The following NIBAN2 variants were observed in gnomAD, a reference collection of about 807,000 sequenced individuals.
NIBAN2 encodes protein Niban 2.
A neutral mutation model predicts 81.8 loss-of-function variants in NIBAN2; 36 were observed. The ratio of observed to expected loss-of-function variants is 0.44; its 90% confidence interval spans 0.34 to 0.58. NIBAN2 has a LOEUF of 0.58. Among genes scored for constraint, NIBAN2 ranks in the 20% least tolerant of loss-of-function variants. The pLI is 0.02. For synonymous variants in NIBAN2, 445 were observed against 441.6 expected (o/e 1.01, Z -0.10); for missense variants, 897 against 1,014.1 (o/e 0.88, Z 1.57).
At position 127,508,677 on chromosome 9, in the gene NIBAN2, C is replaced by T; in HGVS notation, c.1318-139G>A. The T allele has an allele frequency of 1.3e-6, 1 of 789,328 alleles. No homozygotes were observed. The highest frequency in any genetic ancestry group is 1.5e-5 in the South Asian group (1 of 66,492). The allele number at this position is 789,328 out of a possible 1,614,324, so 48.9% of individuals were successfully genotyped here. ...AGGAATGGCAAGCGGTCTATGCCCA[C>T]TCACAGCTCTGCACGCTGGAGCAAG... is the stretch of plus-strand genomic sequence containing the variant. On this transcript the variant is annotated intron_variant, in intron 10 of 13. Coordinates refer to ENST00000373312, the MANE Select transcript of NIBAN2 (RefSeq NM_022833.4). This position sits in a 1 kb window ranked among gnomAD's most constrained non-coding sequence, Gnocchi z 6.4.
At chr9:127,554,548 C>CTTTCTTTTTTTTTTTT (rs1837632346) in intron 1 of NIBAN2, among the ~76,000 whole-genome samples, 7 of 103,704 alleles carry the variant, frequency 6.7e-5, no homozygotes, top group African/African-American at 1.1e-4. Context: ...TTTTCTTTTT[C>CTTTCTTTTTTTTTTTT]TTTTTTTTTT....
intron 1 of NIBAN2, among the ~76,000 whole-genome samples, chr9:127,533,698 C>T (rs1366738221): frequency 8.5e-5 from 13 of 152,288 alleles, no homozygotes; most frequent in East Asian, 1.9e-4. Flanking sequence ...GGCTTGGGTG[C>T]GTGGAGGAGG....
At position 127,523,796 on chromosome 9, in the gene NIBAN2, A is replaced by G. The variant is rs1444393736; in HGVS notation, c.472T>C (p.Phe158Leu). 6.2e-7 allele frequency: 1 copy of G among 1,614,038 alleles called. No individual in the cohort carries two copies. The highest frequency in any genetic ancestry group is 1.7e-5 in the Admixed American group (1 of 60,022). ...TAAGGATGCCAGAGGATGAGCGGGA[A>G]CTGTGTGGGGCACTTGAGGATGGGG... ...SAPILKCPTQ[F>L]PLILWHPYAR... is the part of the protein sequence containing the mutation. Residue 158 changes from phenylalanine to leucine, a missense_variant, in exon 5 of 14, where the codon TTC (phenylalanine) becomes CTC (leucine). Phe to Leu is a conservative substitution (Grantham distance 22). This residue lies in a region of NIBAN2 where 69 missense variants were observed against 114.7 expected (regional missense o/e 0.60). Coordinates refer to ENST00000373312, the MANE Select transcript of NIBAN2 (RefSeq NM_022833.4).
upstream of NIBAN2, among the ~76,000 whole-genome samples, chr9:127,572,015 A>C (rs1837955751): frequency 6.6e-6 from 1 of 152,120 alleles, no homozygotes; most frequent in Non-Finnish European, 1.5e-5. Context: ...ATTATATCAA[A>C]ATTATACTTC....
In NIBAN2 at chr9:127,506,672, T is replaced by C; in HGVS notation, c.*173A>G. On this transcript the variant is annotated 3_prime_UTR_variant, in exon 14 of 14. Coordinates refer to ENST00000373312, the MANE Select transcript of NIBAN2 (RefSeq NM_022833.4). Reference sequence around the variant, plus strand: ...AGAGAAAACAGGGAGCAAGAAAGTGTTGACTGAACCCAATAAAGTGACTCA... The same window carrying C: ...AGAGAAAACAGGGAGCAAGAAAGTGCTGACTGAACCCAATAAAGTGACTCA... 2.1e-6 allele frequency: 1 copy of C among 487,228 alleles called. No homozygotes were observed. Among genetic ancestry groups the C allele is most frequent in the Non-Finnish European group, 3.6e-6 (1 of 279,168 alleles). The allele number at this position is 487,228 out of a possible 1,614,324, so 30.2% of individuals were successfully genotyped here.
chr9:127,523,828 C>T lies in NIBAN2; in HGVS notation c.440G>A (p.Gly147Asp). 2.5e-6 allele frequency: 4 copies of T among 1,611,920 alleles called. No individual in the cohort carries two copies. The highest frequency in any genetic ancestry group is 3.4e-6 in the Non-Finnish European group (4 of 1,178,214). Reference protein sequence around the residue: ...NSLPGTTAKSGSAPILKCPTQ... With the variant: ...NSLPGTTAKSDSAPILKCPTQ... Reference sequence around the variant, plus strand: ...GGGGCACTTGAGGATGGGGGCACTGCCCGACTTTGCCGTGGTCCCTGTGGA... The same window carrying T: ...GGGGCACTTGAGGATGGGGGCACTGTCCGACTTTGCCGTGGTCCCTGTGGA... The change falls in exon 5 of 14, where the codon GGC becomes GAC. Residue 147 changes from glycine to aspartate, a missense_variant. Gly to Asp is a moderately conservative substitution (Grantham distance 94). Transcript: ENST00000373312.
chr9:127,550,157 T>C (rs1317942989), intron 1 of NIBAN2, among the ~76,000 whole-genome samples: 4 of 152,166 alleles, frequency 2.6e-5, no homozygotes, highest in African/African-American at 9.7e-5. Context: ...TGAGTGACCC[T>C]GGACAAGCCC....
intron 1 of NIBAN2, among the ~76,000 whole-genome samples, chr9:127,566,846 C>T (rs987104016): frequency 6.6e-6 from 1 of 152,100 alleles, no homozygotes; most frequent in African/African-American, 2.4e-5. Context: ...AAAGGCAGCT[C>T]ACTTCCTCTG....
chr9:127,569,892 C>G (rs1312749207), upstream of NIBAN2, among the ~76,000 whole-genome samples: 1 of 152,194 alleles, frequency 6.6e-6, no homozygotes, highest in Admixed American at 6.5e-5. Context: ...CAAAAGACTA[C>G]CAGAATCAAA....
At chr9:127,519,349 G>T (rs1476559613) in intron 5 of NIBAN2, among the ~76,000 whole-genome samples, 1 of 152,150 alleles carries the variant, frequency 6.6e-6, no homozygotes, top group Non-Finnish European at 1.5e-5. Context: ...GAGGCAATTG[G>T]CAGGAAGTTA....
chr9:127,578,038 A>C (rs1405139663), intron 1 of NIBAN2, among the ~76,000 whole-genome samples: 1 of 151,878 alleles, frequency 6.6e-6, no homozygotes, highest in Non-Finnish European at 1.5e-5. Context: ...AAAACACAAA[A>C]AAATTAGCTG....
In NIBAN2 at chr9:127,561,173, A is replaced by C. The variant is rs181086318; in HGVS notation, c.55+7647T>G. On this transcript the variant is annotated intron_variant, in intron 1 of 13. Coordinates refer to ENST00000373312, the MANE Select transcript of NIBAN2 (RefSeq NM_022833.4). ...CTTGCTGGAACCACAGCCCCATCCC[A>C]CCGTCCTCCAGGAACTCGCTGAATA... 1.1e-4 allele frequency: 109 copies of C among 985,512 alleles called. 1 individual carries two copies. In the East Asian group the frequency reaches 6.7e-3, roughly 61 times the overall value. 61.0% of individuals were successfully genotyped at this position (985,512 alleles called of 1,614,324 possible).
intron 1 of NIBAN2, among the ~76,000 whole-genome samples, chr9:127,567,802 A>G (rs1409921242): frequency 6.6e-6 from 1 of 152,178 alleles, no homozygotes; most frequent in Non-Finnish European, 1.5e-5. Flanking sequence ...AGCAAGCCAC[A>G]TGAGTTACTT....
chr9:127,550,432 C>T (rs1281777581), intron 1 of NIBAN2, among the ~76,000 whole-genome samples: 1 of 152,220 alleles, frequency 6.6e-6, no homozygotes, highest in Non-Finnish European at 1.5e-5. Context: ...GTCATTAGCA[C>T]AACTTTGCTT....
intron 1 of NIBAN2, among the ~76,000 whole-genome samples, chr9:127,539,130 T>A (rs1837332828): frequency 6.6e-6 from 1 of 151,664 alleles, no homozygotes; most frequent in Non-Finnish European, 1.5e-5. Flanking sequence ...AAGATCTAAT[T>A]TGGGTCAGTC....
intron 8 of NIBAN2, among the ~76,000 whole-genome samples, chr9:127,512,932 G>T (rs746349299): frequency 6.6e-5 from 10 of 152,144 alleles, no homozygotes; most frequent in Non-Finnish European, 1.5e-4. Context: ...GTTTGTTGCG[G>T]CTCTGTTCAC....
chr9:127,562,508 C>T (rs1449099882), intron 1 of NIBAN2, among the ~76,000 whole-genome samples: 2 of 152,192 alleles, frequency 1.3e-5, no homozygotes, highest in African/African-American at 4.8e-5. Context: ...ATATCCATTC[C>T]TACACACCGC....
intron 1 of NIBAN2, among the ~76,000 whole-genome samples, chr9:127,575,314 A>G (rs7870415): frequency 0.071 from 10,230 of 143,172 alleles, 613 homozygotes; most frequent in African/African-American, 0.17. Flanking sequence ...CTGCAAACTC[A>G]GCCTCCTGGG....
Position 127,507,486 on chromosome 9 carries a change from T to C in NIBAN2, c.1655-55A>G, listed in dbSNP as rs1315668431. ...ACAGCACTGATCCCACAGCCGCCCCTGTGCTGGACTCTGCTCAAAGAAGAC... is the reference window on the plus strand; with the variant it reads ...ACAGCACTGATCCCACAGCCGCCCCCGTGCTGGACTCTGCTCAAAGAAGAC... On this transcript the variant is annotated intron_variant, in intron 13 of 13. Coordinates refer to ENST00000373312, the MANE Select transcript of NIBAN2 (RefSeq NM_022833.4). This position sits in a 1 kb window ranked among gnomAD's most constrained non-coding sequence, Gnocchi z 6.8. 3.6e-6 allele frequency: 5 copies of C among 1,392,910 alleles called. No individual in the cohort carries two copies. In the African/African-American group the frequency reaches 4.3e-5, roughly 12 times the overall value. The allele number at this position is 1,392,910 out of a possible 1,614,324, so 86.3% of individuals were successfully genotyped here.
Sources: gnomAD v4.1 joint callset for allele counts (sites outside exome capture counted in the v4.1 genomes callset) on GRCh38, gnomAD v4.1.1 for gene constraint, gnomAD v4.1.1 regional missense constraint, Gnocchi (gnomAD v3.1) non-coding constraint, MANE v1.5 for transcripts, NCBI Gene and HGNC (gene_info 2026-07-23, HGNC 2026-07-21) for gene names.